The following LRRTM4 variants were observed in gnomAD, a reference collection of about 807,000 sequenced individuals.
The protein encoded by LRRTM4 is leucine-rich repeat transmembrane neuronal protein 4.
Under a neutral mutation model 47.6 loss-of-function variants are expected in LRRTM4, and 25 were observed. The observed-to-expected ratio is 0.53, with a 90% CI of 0.38 to 0.73. The LOEUF (loss-of-function observed/expected upper bound fraction) is 0.73. LRRTM4 is among the 30% of genes least tolerant of loss of function. LRRTM4 has a pLI of 0.00. For missense variants in LRRTM4, 638 were observed against 713.4 expected, an observed-to-expected ratio of 0.89 and a Z score of 1.20; for synonymous variants, 311 against 269.5, an observed-to-expected ratio of 1.15 and a Z score of -1.51.
At chr2:77,105,789 G>T (rs1671079467) in intron 3 of LRRTM4, among the ~76,000 whole-genome samples, 1 of 152,140 alleles carries the variant, frequency 6.6e-6, no homozygotes, top group Non-Finnish European at 1.5e-5. Context: ...AAGTTTGCCT[G>T]TTTTGAAAAT....
chr2:77,419,419 T>C lies in LRRTM4; in HGVS notation c.1551+98899A>G, dbSNP rs1334297993. Among the ~76,000 whole-genome samples, 10 of 152,332 alleles carry C rather than the reference T, an allele frequency of 6.6e-5. No homozygotes were observed. The East Asian group carries it at 1.5e-3, about 23-fold the overall frequency. On this transcript the variant is annotated intron_variant, in intron 3 of 3. Transcript: ENST00000409884. ...TTCAAGTCCCTTATACAAAACAGCA[T>C]AGTATTTGCATACAGCCTACACAAA...
At chr2:77,489,125 C>T (rs1321004206) in intron 3 of LRRTM4, among the ~76,000 whole-genome samples, 1 of 33,468 alleles carries the variant, frequency 3.0e-5, no homozygotes, top group African/African-American at 1.3e-4. Context: ...ATAATGATGG[C>T]CAAATGGTCT....
intron 3 of LRRTM4, among the ~76,000 whole-genome samples, chr2:77,285,451 A>G (rs944666260): frequency 1.3e-5 from 2 of 150,972 alleles, no homozygotes; most frequent in Admixed American, 6.6e-5. Flanking sequence ...AATACTAAAA[A>G]TAGATCCTGG....
intron 3 of LRRTM4, among the ~76,000 whole-genome samples, chr2:77,053,873 A>G (rs1573506375): frequency 6.6e-6 from 1 of 152,216 alleles, no homozygotes; most frequent in African/African-American, 2.4e-5. Context: ...GCTAAAGGAA[A>G]TCAAATGAAC....
At chr2:77,446,740 G>T (rs1318242162) in intron 3 of LRRTM4, among the ~76,000 whole-genome samples, 1 of 151,910 alleles carries the variant, frequency 6.6e-6, no homozygotes, top group African/African-American at 2.4e-5. Flanking sequence ...ATCATGATGC[G>T]CTTCCCAAGA....
At chr2:77,514,638 T>C (rs986788200) in intron 3 of LRRTM4, among the ~76,000 whole-genome samples, 15 of 152,030 alleles carry the variant, frequency 9.9e-5, no homozygotes, top group African/African-American at 3.6e-4. Context: ...ACTTTATATT[T>C]CAATTACTTA....
intron 3 of LRRTM4, among the ~76,000 whole-genome samples, chr2:76,998,296 C>CTGA (rs1677276342): frequency 6.6e-6 from 1 of 151,922 alleles, no homozygotes; most frequent in Admixed American, 6.6e-5. Flanking sequence ...CTATTTCCTA[C>CTGA]ATAAGTTTAG....
At chr2:77,111,311 T>TG (rs1671243837) in intron 3 of LRRTM4, among the ~76,000 whole-genome samples, 5 of 140,756 alleles carry the variant, frequency 3.6e-5, no homozygotes, top group Admixed American at 7.3e-5. Context: ...TTGTATTTTA[T>TG]TAGAAACAGG....
chr2:76,925,792 G>T (rs113216872), intron 3 of LRRTM4, among the ~76,000 whole-genome samples: 2 of 152,062 alleles, frequency 1.3e-5, no homozygotes, highest in Admixed American at 6.6e-5. Flanking sequence ...TGGCAAAGTG[G>T]TTTTTTAGGA....
intron 3 of LRRTM4, among the ~76,000 whole-genome samples, chr2:77,052,779 A>G (rs1307905002): frequency 6.6e-6 from 1 of 152,020 alleles, no homozygotes; most frequent in Non-Finnish European, 1.5e-5. Flanking sequence ...CATTTTAATT[A>G]TGTTCTTACA....
chr2:77,378,848 G>A (rs1181122610), intron 3 of LRRTM4, among the ~76,000 whole-genome samples: 2 of 152,104 alleles, frequency 1.3e-5, no homozygotes, highest in Non-Finnish European at 2.9e-5. Flanking sequence ...GCCACCGGAG[G>A]TTTACCTGGA....
chr2:76,779,067 G>A (rs1438839330), intron 3 of LRRTM4, among the ~76,000 whole-genome samples: 4 of 143,584 alleles, frequency 2.8e-5, no homozygotes, highest in East Asian at 4.1e-4. Flanking sequence ...GTAGTTGAGT[G>A]GTTTTGAGTG....
chr2:76,793,893 G>T lies in LRRTM4; in HGVS notation c.1552-44977C>A, dbSNP rs960449349. On this transcript the variant is annotated intron_variant, in intron 3 of 3. Transcript: ENST00000409884. ...CAATTCGTATGATCTAGGGAATACA[G>T]TATTAGTGGGACAGTAATTGCTTCT... Among the ~76,000 whole-genome samples the T allele has an allele frequency of 2.6e-5, 4 of 152,160 alleles. No homozygotes were observed. The South Asian group carries it at 8.3e-4, about 32-fold the overall frequency.
At chr2:77,117,600 CAATA>C (rs1671421455) in intron 3 of LRRTM4, among the ~76,000 whole-genome samples, 2 of 151,688 alleles carry the variant, frequency 1.3e-5, no homozygotes, top group South Asian at 4.1e-4. Context: ...TAGAAATGAC[CAATA>C]AATAAATAAA....
At chr2:76,759,253 G>T (rs915176660) in intron 3 of LRRTM4, among the ~76,000 whole-genome samples, 5 of 152,110 alleles carry the variant, frequency 3.3e-5, no homozygotes, top group Admixed American at 3.3e-4. Context: ...AGCCGAGGTA[G>T]AAAAGCACTC....
chr2:77,165,381 G>A (rs892198285), intron 3 of LRRTM4, among the ~76,000 whole-genome samples: 3 of 152,060 alleles, frequency 2.0e-5, no homozygotes, highest in Non-Finnish European at 1.5e-5. Context: ...TCTACCAGAG[G>A]TACAAAGAGG....
At chr2:77,146,345 C>T (rs2103774219) in intron 3 of LRRTM4, among the ~76,000 whole-genome samples, 1 of 152,226 alleles carries the variant, frequency 6.6e-6, no homozygotes, top group African/African-American at 2.4e-5. Context: ...ATTTCAACTC[C>T]TGCTCTCAAA....
intron 3 of LRRTM4, among the ~76,000 whole-genome samples, chr2:77,112,969 C>A (rs1671289992): frequency 6.6e-6 from 1 of 152,152 alleles, no homozygotes; most frequent in Non-Finnish European, 1.5e-5. Flanking sequence ...ACAGATTTTT[C>A]AACCCCGTCT....
intron 3 of LRRTM4, among the ~76,000 whole-genome samples, chr2:77,492,284 A>G (rs144539351): frequency 1.6e-3 from 247 of 152,304 alleles, no homozygotes; most frequent in African/African-American, 5.8e-3. Flanking sequence ...TTTTAGAGAT[A>G]GGGTCTTGCT....
Sources: gnomAD v4.1 joint callset for allele counts (sites outside exome capture counted in the v4.1 genomes callset) on GRCh38, gnomAD v4.1.1 for gene constraint, MANE v1.5 for transcripts, NCBI Gene and HGNC (gene_info 2026-07-23, HGNC 2026-07-21) for gene names.